STT3A: variants seen among roughly 807,000 people sequenced by gnomAD.
STT3A encodes dolichyl-diphosphooligosaccharide--protein glycosyltransferase subunit STT3A.
A neutral mutation model predicts 89.2 loss-of-function variants in STT3A; 34 were observed. That is an observed-to-expected ratio of 0.38 (90% CI 0.29 to 0.51). STT3A has a LOEUF of 0.51. Among genes scored for constraint, STT3A ranks in the 20% least tolerant of loss-of-function variants. The pLI is 0.89. For missense variants in STT3A, 555 were observed against 889.5 expected (o/e 0.62, Z 4.78); for synonymous variants, 282 against 310.3 (o/e 0.91, Z 0.96).
At chr11:125,597,421 CAAA>C (rs58836204) in intron 3 of STT3A, among the ~76,000 whole-genome samples, 3 of 128,342 alleles carry the variant, frequency 2.3e-5, no homozygotes, top group Admixed American at 8.1e-5. Flanking sequence ...CCCATCTCTA[CAAA>C]AAAAAAAAAA....
Position 125,602,962 on chromosome 11 carries a change from G to A in STT3A, c.417+14G>A. 1 of 1,613,764 alleles carries A rather than the reference G, an allele frequency of 6.2e-7. No individual in the cohort carries two copies. Among genetic ancestry groups the A allele is most frequent in the South Asian group, 1.1e-5 (1 of 91,020 alleles). On this transcript the variant is annotated intron_variant, in intron 5 of 17. Transcript: ENST00000392708. ...AAAGAGCTCAAGGTGAAGGATTTGG[G>A]GTGACAGGAGGCTTGGGAATGAATG...
intron 3 of STT3A, 60 bp from the exon 4 acceptor site, chr11:125,602,243 G>T: frequency 2.5e-6 from 4 of 1,579,698 alleles, no homozygotes; most frequent in Non-Finnish European, 2.6e-6. Context: ...TTTCTCAATG[G>T]TGTATCCTGA....
intron 9 of STT3A, among the ~76,000 whole-genome samples, 176 bp from the exon 10 acceptor site, chr11:125,609,258 C>T (rs984969196): frequency 6.6e-6 from 1 of 152,176 alleles, no homozygotes; most frequent in Non-Finnish European, 1.5e-5. Flanking sequence ...CAAAAGTACT[C>T]TCAGGTTTGA....
chr11:125,597,071 G>T lies in STT3A; in HGVS notation c.101G>T (p.Arg34Leu). Residue 34 changes from arginine to leucine, a missense_variant, in exon 3 of 18, where the codon CGT becomes CTT. Coordinates refer to ENST00000392708, the MANE Select transcript of STT3A (RefSeq NM_152713.5). ...SMAAVLSFST[R>L]LFAVLRFESV... ...CTGGTTTTTGCAGCCTTCTCCACTC[G>T]TCTGTTTGCTGTCCTGAGATTTGAA... 6.2e-7 allele frequency: 1 copy of T among 1,613,854 alleles called. No individual in the cohort carries two copies. Among genetic ancestry groups the T allele is most frequent in the Non-Finnish European group, 8.5e-7 (1 of 1,179,984 alleles).
intron 3 of STT3A, among the ~76,000 whole-genome samples, 158 bp downstream of exon 3, chr11:125,597,277 A>G (rs554101190): frequency 7.9e-5 from 12 of 152,164 alleles, no homozygotes; most frequent in African/African-American, 2.4e-4. Context: ...GGAGATAATT[A>G]TCTCCTTTTA....
intron 3 of STT3A, 149 bp downstream of exon 3, chr11:125,597,268 G>A (rs1490136269): frequency 1.2e-6 from 1 of 813,076 alleles, no homozygotes; most frequent in Admixed American, 2.4e-5. Context: ...TCTTCCAAAG[G>A]AGATAATTAT....
intron 3 of STT3A, among the ~76,000 whole-genome samples, chr11:125,600,878 C>G (rs1939652472): frequency 6.6e-6 from 1 of 152,110 alleles, no homozygotes; most frequent in African/African-American, 2.4e-5. Context: ...CCTTGACCTC[C>G]TGGACTCAAG....
intron 15 of STT3A, 135 bp from the exon 16 acceptor site, chr11:125,618,238 C>T (rs1332553680): frequency 1.3e-5 from 11 of 819,648 alleles, no homozygotes; most frequent in Non-Finnish European, 1.8e-5. Flanking sequence ...GTTGTCCTCA[C>T]TATTTTTACA....
intron 6 of STT3A, 69 bp downstream of exon 6, chr11:125,604,316 T>G (rs1385789679): frequency 4.0e-6 from 6 of 1,501,918 alleles, no homozygotes; most frequent in South Asian, 2.3e-5. Flanking sequence ...CAAAGTGCAG[T>G]CTATGGTTTA....
intron 15 of STT3A, among the ~76,000 whole-genome samples, chr11:125,615,950 A>G (rs771994111): frequency 2.0e-5 from 3 of 152,180 alleles, no homozygotes; most frequent in Non-Finnish European, 4.4e-5. Flanking sequence ...GAGGCCAGAT[A>G]ATCACTTGAA....
chr11:125,595,422 T>G (rs1939461147), intron 1 of STT3A, among the ~76,000 whole-genome samples: 1 of 152,178 alleles, frequency 6.6e-6, no homozygotes, highest in Admixed American at 6.5e-5. Context: ...CTGAAATTGC[T>G]GGGGCTTGCA....
intron 9 of STT3A, chr11:125,608,530 T>C (rs930354493): frequency 1.2e-5 from 4 of 346,628 alleles, no homozygotes; most frequent in Non-Finnish European, 2.1e-5. Flanking sequence ...TTCTCCATGT[T>C]TGTCAGGCTG....
intron 8 of STT3A, 36 bp from the exon 9 acceptor site, chr11:125,608,073 T>C: frequency 6.5e-7 from 1 of 1,539,862 alleles, no homozygotes; most frequent in South Asian, 1.3e-5. Flanking sequence ...TCATTTTTTT[T>C]CCTTAGTATT....
chr11:125,602,808 A>G lies in STT3A; in HGVS notation c.277A>G (p.Met93Val). The G allele has an allele frequency of 6.2e-7, 1 of 1,614,104 alleles. No individual in the cohort carries two copies. Among genetic ancestry groups the G allele is most frequent in the Non-Finnish European group, 8.5e-7 (1 of 1,180,012 alleles). The change falls in exon 5 of 18, where the codon ATG becomes GTG. Residue 93 changes from methionine to valine, a missense_variant. Met to Val is a conservative substitution (Grantham distance 21). Transcript: ENST00000392708. The stretch of plus-strand genomic sequence containing the variant: ...GTTTCTTCTTCCTGTTACAGGTTTA[A>G]TGATCACCTCTGCTGCAATCTACCA... The part of the protein sequence containing the change: ...IIGGTIYPGL[M>V]ITSAAIYHVL...
chr11:125,606,509 A>T, intron 8 of STT3A, 44 bp downstream of exon 8: 5 of 1,573,526 alleles, frequency 3.2e-6, no homozygotes, highest in Non-Finnish European at 4.3e-6. Flanking sequence ...TACTTTTTCT[A>T]TGCAGCCCCA....
Position 125,622,466 on chromosome 11 carries a change from TTTAAC to T in STT3A, c.*1659_*1663del, listed in dbSNP as rs776465313. 2 of 152,224 alleles carry T rather than the reference TTTAAC, an allele frequency of 1.3e-5. No homozygotes were observed. The highest frequency in any genetic ancestry group is 2.9e-5 in the Non-Finnish European group (2 of 68,038). 9.4% of individuals were successfully genotyped at this position (152,224 alleles called of 1,614,324 possible). A position where few individuals can be genotyped will look rare whatever the true frequency, so the allele number is the denominator to read the frequency against. On this transcript the variant is annotated 3_prime_UTR_variant, in exon 18 of 18. Transcript: ENST00000392708. The stretch of plus-strand genomic sequence containing the variant: ...CCTTTATACTATACATAGGATAACT[TTTAAC>T]TTGTCGCTACAGTTGTTGCTCTGAG...
In STT3A at chr11:125,614,258, G is replaced by T; in HGVS notation, c.1671+55G>T. 1 of 1,612,328 alleles carries T rather than the reference G, an allele frequency of 6.2e-7. No homozygotes were observed. The highest frequency in any genetic ancestry group is 1.1e-5 in the South Asian group (1 of 91,046). On this transcript the variant is annotated intron_variant, in intron 14 of 17. Transcript: ENST00000392708. The surrounding 1 kb of genome is among the most constrained non-coding windows in gnomAD (Gnocchi z 4.9). Reference sequence around the variant, plus strand: ...TGGTGTACAAGGTCTAATGGGAAATGTGTCTGCATGAGGGGATCATATGAC... The same window carrying T: ...TGGTGTACAAGGTCTAATGGGAAATTTGTCTGCATGAGGGGATCATATGAC...
chr11:125,620,627 T>C, intron 17 of STT3A, 145 bp from the exon 18 acceptor site: 2 of 674,504 alleles, frequency 3.0e-6, no homozygotes, highest in Admixed American at 2.6e-5. Context: ...ATCTAGTCTC[T>C]AGTCAGTGCT....
At position 125,609,549 on chromosome 11, in the gene STT3A, A is replaced by G; in HGVS notation, c.1077A>G (p.Ser359=). The G allele has an allele frequency of 1.9e-6, 3 of 1,614,086 alleles. No individual in the cohort carries two copies. Among genetic ancestry groups the G allele is most frequent in the Non-Finnish European group, 2.5e-6 (3 of 1,180,016 alleles). Residue 359 remains serine, a synonymous_variant, in exon 10 of 18, where the codon TCA becomes TCG. Transcript: ENST00000392708. ...AGCATCAGCCCACAACCTGGTCCTC[A>G]TACTATTTTGACCTGCAGCTCCTCG... is the stretch of plus-strand genomic sequence containing the variant. ...VSEHQPTTWS[S]YYFDLQLLVF...
Sources: allele counts gnomAD v4.1 joint callset (sites outside exome capture counted in the v4.1 genomes callset), GRCh38; gene constraint gnomAD v4.1.1; non-coding constraint Gnocchi (gnomAD v3.1); transcripts MANE v1.5; gene names NCBI Gene and HGNC (gene_info 2026-07-23, HGNC 2026-07-21).